The following PADI6 variants were observed in gnomAD, a reference collection of about 807,000 sequenced individuals.
PADI6 encodes peptidyl arginine deiminase 6.
A neutral mutation model predicts 78.2 loss-of-function variants in PADI6; 66 were observed. That is an observed-to-expected ratio of 0.84 (90% CI 0.69 to 1.04). PADI6 has a LOEUF of 1.04. Among genes scored for constraint, PADI6 ranks in the 50% least tolerant of loss-of-function variants. PADI6 has a pLI of 0.00. For missense variants in PADI6, 854 were observed against 866.1 expected, an observed-to-expected ratio of 0.99 and a Z score of 0.18; for synonymous variants, 397 against 346.9, an observed-to-expected ratio of 1.14 and a Z score of -1.60.
At chr1:17,399,183 G>T (rs111761353) in intron 15 of PADI6, among the ~76,000 whole-genome samples, 19 of 152,316 alleles carry the variant, frequency 1.2e-4, no homozygotes, top group African/African-American at 4.6e-4. Context: ...CAGAGTCGAG[G>T]TTGCCGCGCA....
In PADI6 at chr1:17,373,093, G is replaced by T. The variant is rs377211592; in HGVS notation, c.154G>T (p.Gly52Cys). The T allele has an allele frequency of 3.7e-6, 6 of 1,613,848 alleles. No homozygotes were observed. Among genetic ancestry groups the T allele is most frequent in the Non-Finnish European group, 5.1e-6 (6 of 1,179,864 alleles). ...GAAGTGCCAGTGCTTCACCATCCAT[G>T]GCTCTGGGAGGGTCTTGATCGATGT... ...PQKCQCFTIH[G>C]SGRVLIDVAN... The change falls in exon 2 of 16, where the codon GGC (glycine) becomes TGC (cysteine). Residue 52 changes from glycine to cysteine, a missense_variant. Gly to Cys is a radical substitution (Grantham distance 159). Coordinates refer to ENST00000619609, the MANE Select transcript of PADI6 (RefSeq NM_207421.4).
Position 17,372,780 on chromosome 1 carries a change from C to T in PADI6, c.117-276C>T, listed in dbSNP as rs917526109. Among the ~76,000 whole-genome samples the T allele has an allele frequency of 5.3e-5, 8 of 150,196 alleles. No individual in the cohort carries two copies. The South Asian group carries it at 1.5e-3, about 27-fold the overall frequency. ...TTCTTTATGGGGATCCTTTGTGGCTCCCCCCTTCTTGGGAATTGGGTGCTT... is the reference window on the plus strand; with the variant it reads ...TTCTTTATGGGGATCCTTTGTGGCTTCCCCCTTCTTGGGAATTGGGTGCTT... On this transcript the variant is annotated intron_variant, in intron 1 of 15. Transcript: ENST00000619609.
intron 1 of PADI6, 72 bp from the exon 2 acceptor site, chr1:17,372,984 C>T: frequency 6.7e-7 from 1 of 1,492,640 alleles, no homozygotes; most frequent in Non-Finnish European, 9.2e-7. Context: ...CCGTCCCCTC[C>T]CCCATGCCAG....
chr1:17,378,961 G>T (rs1398168061), intron 3 of PADI6, among the ~76,000 whole-genome samples: 2 of 143,794 alleles, frequency 1.4e-5, no homozygotes, highest in Admixed American at 6.9e-5. Context: ...TTTTTGGGGG[G>T]GGGGACAGAA....
intron 14 of PADI6, among the ~76,000 whole-genome samples, chr1:17,397,805 G>A (rs1012328719): frequency 6.6e-6 from 1 of 152,162 alleles, no homozygotes. Flanking sequence ...CCAAGTTCAT[G>A]TGTTGCTCAT....
chr1:17,396,278 C>T (rs761197580), intron 13 of PADI6, among the ~76,000 whole-genome samples: 4 of 152,114 alleles, frequency 2.6e-5, no homozygotes, highest in East Asian at 1.9e-4. Flanking sequence ...CTCAGCTACT[C>T]GGGAGGCTGA....
intron 6 of PADI6, among the ~76,000 whole-genome samples, chr1:17,383,912 G>A (rs1418048225): frequency 6.6e-6 from 1 of 152,090 alleles, no homozygotes; most frequent in Non-Finnish European, 1.5e-5. Flanking sequence ...ACTTCGGGAG[G>A]CCAAGGCAGG....
chr1:17,385,521 A>G (rs113149955), intron 6 of PADI6, among the ~76,000 whole-genome samples: 201 of 152,250 alleles, frequency 1.3e-3, no homozygotes, highest in African/African-American at 4.7e-3. Context: ...ACAGATCGGA[A>G]GGCATTGTCT....
chr1:17,386,331 G>A (rs528816906), intron 6 of PADI6, among the ~76,000 whole-genome samples: 1 of 152,184 alleles, frequency 6.6e-6, no homozygotes, highest in Non-Finnish European at 1.5e-5. Flanking sequence ...TCTGTGAGAG[G>A]GGCCCCCAGA....
At chr1:17,379,831 C>T (rs1291617213) in intron 3 of PADI6, 89 bp from the exon 4 acceptor site, 20 of 1,182,322 alleles carry the variant, frequency 1.7e-5, no homozygotes, top group African/African-American at 3.0e-5. Flanking sequence ...TGATGCCAGC[C>T]TTGGGCAGCC....
At position 17,394,442 on chromosome 1, in the gene PADI6, G is replaced by C. The variant is rs1418666440; in HGVS notation, c.1325G>C (p.Ser442Thr). Residue 442 changes from serine (S) to threonine (T), a missense_variant, in exon 11 of 16, where the codon AGC (serine) becomes ACC (threonine). Ser to Thr is a moderately conservative substitution (Grantham distance 58). Coordinates refer to ENST00000619609, the MANE Select transcript of PADI6 (RefSeq NM_207421.4). ...YPLGRVLIGS[S>T]FYPSAEGRAM... The stretch of plus-strand genomic sequence containing the variant: ...CTGGGCAGAGTCCTCATTGGCAGCA[G>C]CTTTTACCCCAGGTGAGCCACAAAG... 2 of 1,613,060 alleles carry C rather than the reference G, an allele frequency of 1.2e-6. No homozygotes were observed. Among genetic ancestry groups the C allele is most frequent in the Non-Finnish European group, 1.7e-6 (2 of 1,179,406 alleles).
intron 14 of PADI6, among the ~76,000 whole-genome samples, chr1:17,397,464 G>T (rs541951499): frequency 1.2e-4 from 18 of 152,198 alleles, no homozygotes; most frequent in Non-Finnish European, 2.5e-4. Context: ...GGGTGGGACA[G>T]GGGCAGGGAG....
chr1:17,393,732 C>T (rs1312067288), intron 9 of PADI6, among the ~76,000 whole-genome samples: 1 of 152,122 alleles, frequency 6.6e-6, no homozygotes, highest in Non-Finnish European at 1.5e-5. Flanking sequence ...ACCTTGGCCA[C>T]CCAAAGTGCT....
Position 17,394,958 on chromosome 1 carries a change from G to C in PADI6, c.1345G>C (p.Gly449Arg). The change falls in exon 12 of 16, where the codon GGC (glycine) becomes CGC (arginine). Residue 449 changes from glycine to arginine, a missense_variant. Gly to Arg is a moderately radical substitution (Grantham distance 125). Coordinates refer to ENST00000619609, the MANE Select transcript of PADI6 (RefSeq NM_207421.4). Reference sequence around the variant, plus strand: ...TTTCCATCTTCCTTCTAGCGCAGAGGGCCGGGCCATGAGTAAGACCCTCCG... The same window carrying C: ...TTTCCATCTTCCTTCTAGCGCAGAGCGCCGGGCCATGAGTAAGACCCTCCG... ...IGSSFYPSAE[G>R]RAMSKTLRDF... is the part of the protein sequence containing the mutation. 6.2e-7 allele frequency: 1 copy of C among 1,611,298 alleles called. No homozygotes were observed. The highest frequency in any genetic ancestry group is 8.5e-7 in the Non-Finnish European group (1 of 1,179,306).
Position 17,381,101 on chromosome 1 carries a change from A to C in PADI6, c.490A>C (p.Asn164His), listed in dbSNP as rs775923844. ...GGGTGCCATCCTGCTTGTGAATTGC[A>C]ACCCTGCTGATGTGGGCCAGCAACT... The part of the protein sequence containing the change: ...GWGAILLVNC[N>H]PADVGQQLED... Residue 164 changes from asparagine (N) to histidine (H), a missense_variant, in exon 5 of 16, where the codon AAC becomes CAC. Physicochemically the swap from Asn to His is moderately conservative, Grantham distance 68. Transcript: ENST00000619609. The C allele has an allele frequency of 5.0e-6, 8 of 1,610,184 alleles. No homozygotes were observed. The highest frequency in any genetic ancestry group is 5.9e-6 in the Non-Finnish European group (7 of 1,178,392).
chr1:17,375,999 A>G (rs1043947013), intron 3 of PADI6, among the ~76,000 whole-genome samples: 4 of 147,936 alleles, frequency 2.7e-5, no homozygotes, highest in Admixed American at 2.0e-4. Flanking sequence ...TTTTTCTGAG[A>G]TGAGTCTTAC....
intron 15 of PADI6, among the ~76,000 whole-genome samples, chr1:17,399,585 A>C (rs776146998): frequency 6.0e-5 from 9 of 150,454 alleles, no homozygotes; most frequent in Non-Finnish European, 1.2e-4. Flanking sequence ...ACAAGACTGA[A>C]ACTCCGTCTC....
intron 2 of PADI6, 50 bp downstream of exon 2, chr1:17,373,283 C>T (rs1424498492): frequency 3.8e-6 from 6 of 1,590,352 alleles, no homozygotes; most frequent in South Asian, 1.1e-5. Flanking sequence ...TGGGACCTAG[C>T]ACAGCCACTG....
At chr1:17,398,643 C>T in intron 14 of PADI6, 43 bp from the exon 15 acceptor site, 1 of 682,334 alleles carries the variant, frequency 1.5e-6, no homozygotes, top group Non-Finnish European at 2.3e-6. Context: ...ATGAGCTCTC[C>T]TTGCTCCCCC....
Sources: gnomAD v4.1 joint callset for allele counts (sites outside exome capture counted in the v4.1 genomes callset) on GRCh38, gnomAD v4.1.1 for gene constraint, MANE v1.5 for transcripts, NCBI Gene and HGNC (gene_info 2026-07-23, HGNC 2026-07-21) for gene names.